UTS2: variants seen among roughly 807,000 people sequenced by gnomAD.
The protein encoded by UTS2 is urotensin 2.
Under a neutral mutation model 12.6 loss-of-function variants are expected in UTS2, and 10 were observed. That is an observed-to-expected ratio of 0.80 (90% CI 0.49 to 1.35). The LOEUF (loss-of-function observed/expected upper bound fraction) is 1.35. UTS2 is among the 40% of genes most tolerant of loss of function. The probability of loss-of-function intolerance (pLI) is 0.00; values close to 1 mark genes in which losing one functional copy is unlikely to be tolerated. For missense variants in UTS2, 142 were observed against 143.2 expected (o/e 0.99, Z 0.04); for synonymous variants, 52 against 50.0 (o/e 1.04, Z -0.17).
chr1:7,900,549 G>A, the UTS2 span, among the ~76,000 whole-genome samples: 1 of 152,202 alleles, frequency 6.6e-6, no homozygotes, highest in South Asian at 2.1e-4. Context: ...GGCCAAGCCA[G>A]GTGGATTACC....
At chr1:7,911,699 C>T in the UTS2 span, among the ~76,000 whole-genome samples, 1 of 152,070 alleles carries the variant, frequency 6.6e-6, no homozygotes, top group Non-Finnish European at 1.5e-5. Context: ...GTCAGGAGTT[C>T]GAGACCAGCC....
the UTS2 span, among the ~76,000 whole-genome samples, chr1:7,871,575 A>AT: frequency 1.6e-3 from 240 of 148,190 alleles, 2 homozygotes; most frequent in South Asian, 0.019. Context: ...CAGATATTGC[A>AT]TTTTTTTTTT....
At chr1:7,855,897 T>C (rs1638296528), upstream of UTS2, among the ~76,000 whole-genome samples, 1 of 151,668 alleles carries the variant, frequency 6.6e-6, no homozygotes, top group Non-Finnish European at 1.5e-5. Context: ...TCTCAATGTG[T>C]TGCCCAGGCT....
At chr1:7,856,213 A>G (rs1357189226), upstream of UTS2, among the ~76,000 whole-genome samples, 2 of 149,498 alleles carry the variant, frequency 1.3e-5, no homozygotes, top group Admixed American at 1.3e-4. Flanking sequence ...GCACCAGCCT[A>G]TGGGAGTCTC....
chr1:7,911,000 A>G, the UTS2 span, among the ~76,000 whole-genome samples: 2 of 150,182 alleles, frequency 1.3e-5, no homozygotes, highest in Admixed American at 6.7e-5. Context: ...CGATCCTCCC[A>G]TCTCGGTGTG....
upstream of UTS2, among the ~76,000 whole-genome samples, chr1:7,856,851 A>G (rs1475076881): frequency 6.6e-6 from 1 of 152,120 alleles, no homozygotes; most frequent in African/African-American, 2.4e-5. Context: ...ACCTGAGGCC[A>G]GGCGTTTGAG....
the UTS2 span, among the ~76,000 whole-genome samples, chr1:7,885,161 TCCAC>T: frequency 2.6e-5 from 4 of 152,012 alleles, no homozygotes; most frequent in African/African-American, 9.7e-5. Context: ...CATCCATCCA[TCCAC>T]AACTTTTATT....
the UTS2 span, among the ~76,000 whole-genome samples, chr1:7,865,762 A>G: frequency 6.6e-6 from 1 of 152,056 alleles, no homozygotes; most frequent in African/African-American, 2.4e-5. Flanking sequence ...GGGAGACCCC[A>G]TCTCTACAAA....
chr1:7,887,809 T>C, the UTS2 span, among the ~76,000 whole-genome samples: 1 of 150,254 alleles, frequency 6.7e-6, no homozygotes, highest in East Asian at 2.0e-4. Flanking sequence ...CAGCGATAAA[T>C]GTATCTGGAA....
the UTS2 span, among the ~76,000 whole-genome samples, chr1:7,902,153 G>C: frequency 0.12 from 18,374 of 151,892 alleles, 2,465 homozygotes; most frequent in East Asian, 0.56. Flanking sequence ...TCCTACAACA[G>C]GGTCTGGGAT....
chr1:7,847,785 A>T lies in UTS2; in HGVS notation c.356T>A (p.Phe119Tyr), dbSNP rs1371672994. 6.2e-7 allele frequency: 1 copy of T among 1,613,124 alleles called. No individual in the cohort carries two copies. Among genetic ancestry groups the T allele is most frequent in the East Asian group, 2.2e-5 (1 of 44,878 alleles). ...PYKKRETPDCFWKYCV is the reference protein window; with the variant it reads ...PYKKRETPDCYWKYCV ...TTCACTTCAGACACAGTATTTCCAG[A>T]AGCAATCAGGAGTCTCACGTTTCTT... The change falls in exon 4 of 4, where the codon TTC becomes TAC. Residue 119 changes from phenylalanine to tyrosine, a missense_variant. Transcript: ENST00000361696.
At chr1:7,883,955 C>T in the UTS2 span, among the ~76,000 whole-genome samples, 1 of 152,064 alleles carries the variant, frequency 6.6e-6, no homozygotes. Context: ...GCTGGGATTA[C>T]AGGCATGTGC....
intron 1 of UTS2, among the ~76,000 whole-genome samples, 179 bp downstream of exon 1, chr1:7,852,722 A>G (rs1314165289): frequency 6.6e-6 from 1 of 152,212 alleles, no homozygotes; most frequent in Non-Finnish European, 1.5e-5. Flanking sequence ...AACTGTATCC[A>G]TTACTACATC....
chr1:7,889,235 G>A, the UTS2 span, among the ~76,000 whole-genome samples: 1 of 130,394 alleles, frequency 7.7e-6, no homozygotes, highest in Non-Finnish European at 1.6e-5. Context: ...ACCAGCCTGG[G>A]CAACATAGGA....
At chr1:7,850,131 G>A (rs1261560558) in intron 2 of UTS2, among the ~76,000 whole-genome samples, 2 of 151,808 alleles carry the variant, frequency 1.3e-5, no homozygotes, top group Non-Finnish European at 2.9e-5. Flanking sequence ...CACCATGCCC[G>A]GCTGATATTT....
At chr1:7,900,489 TG>T in the UTS2 span, among the ~76,000 whole-genome samples, 426 of 152,252 alleles carry the variant, frequency 2.8e-3, 1 homozygote, top group African/African-American at 9.7e-3. Context: ...ATTAATATTT[TG>T]TTTTGGCCAG....
chr1:7,890,322 G>T, the UTS2 span, among the ~76,000 whole-genome samples: 1 of 152,190 alleles, frequency 6.6e-6, no homozygotes, highest in East Asian at 1.9e-4. Context: ...TAAGAGTCAG[G>T]TTTTTCTCCG....
the UTS2 span, among the ~76,000 whole-genome samples, chr1:7,912,074 A>T: frequency 1.3e-5 from 2 of 152,330 alleles, no homozygotes; most frequent in South Asian, 4.1e-4. Context: ...TCTGGGTTTG[A>T]CAGGCTCATC....
chr1:7,866,213 G>A, the UTS2 span, among the ~76,000 whole-genome samples: 1 of 152,204 alleles, frequency 6.6e-6, no homozygotes, highest in Non-Finnish European at 1.5e-5. The surrounding 1 kb of genome is among the most constrained non-coding windows in gnomAD (Gnocchi z 4.5). Flanking sequence ...AGTTGTCTAA[G>A]ATGACCTGGC....
Sources: allele counts gnomAD v4.1 joint callset (sites outside exome capture counted in the v4.1 genomes callset), GRCh38; gene constraint gnomAD v4.1.1; non-coding constraint Gnocchi (gnomAD v3.1); transcripts MANE v1.5; gene names NCBI Gene and HGNC (gene_info 2026-07-23, HGNC 2026-07-21).